The following RTL10 variants were observed in gnomAD, a reference collection of about 807,000 sequenced individuals.
RTL10 encodes the protein protein Bop.
For synonymous variants in RTL10, 199 were observed against 188.4 expected (o/e 1.06, Z -0.46); for missense variants, 477 against 470.7 (o/e 1.01, Z -0.12).
rs1938062100 is a variant in RTL10, at chr22:19,850,223, T to C, written c.*944A>G. On this transcript the variant is annotated 3_prime_UTR_variant, in exon 3 of 3. Coordinates refer to ENST00000328554, the MANE Select transcript of RTL10 (RefSeq NM_024627.6). ...CAAAGACTTGCTGGTAGGCAGCCAC[T>C]GCACCACCTCAGCCAGTAATCCAAC... 2.0e-6 allele frequency: 2 copies of C among 985,774 alleles called. No individual in the cohort carries two copies. The highest frequency in any genetic ancestry group is 2.4e-6 in the Non-Finnish European group (2 of 830,194). 61.1% of individuals were successfully genotyped at this position (985,774 alleles called of 1,614,324 possible). A position where few individuals can be genotyped will look rare whatever the true frequency, so the allele number is the denominator to read the frequency against.
rs1364381971 is a variant in RTL10 at position 19,847,186 on chromosome 22, G to A, written c.*3981C>T. ...GAGCATGGAGAAATATGTCCAGGTA[G>A]GCTGTCGTCAGCACAGGTCTGACAG... On this transcript the variant is annotated 3_prime_UTR_variant, in exon 3 of 3. Coordinates refer to ENST00000328554, the MANE Select transcript of RTL10 (RefSeq NM_024627.6). 1 of 985,330 alleles carries A rather than the reference G, an allele frequency of 1.0e-6. No homozygotes were observed. Among genetic ancestry groups the A allele is most frequent in the Non-Finnish European group, 1.2e-6 (1 of 829,942 alleles). 61.0% of individuals were successfully genotyped at this position (985,330 alleles called of 1,614,324 possible).
Position 19,849,196 on chromosome 22 carries a change from T to C in RTL10, c.*1971A>G, listed in dbSNP as rs1938034849. ...TGCTACCAGGGCTATACCTGCTTTC[T>C]AAAAATAGCTTCCCACCTATTTCCA... On this transcript the variant is annotated 3_prime_UTR_variant, in exon 3 of 3. Coordinates refer to ENST00000328554, the MANE Select transcript of RTL10 (RefSeq NM_024627.6). The C allele has an allele frequency of 1.0e-6, 1 of 985,308 alleles. No individual in the cohort carries two copies. The highest frequency in any genetic ancestry group is 1.2e-6 in the Non-Finnish European group (1 of 829,912). 61.0% of individuals were successfully genotyped at this position (985,308 alleles called of 1,614,324 possible).
rs1938062359 is a variant in RTL10 at position 19,850,231 on chromosome 22, C to T, written c.*936G>A. On this transcript the variant is annotated 3_prime_UTR_variant, in exon 3 of 3. Coordinates refer to ENST00000328554, the MANE Select transcript of RTL10 (RefSeq NM_024627.6). Reference sequence around the variant, plus strand: ...TGCTGGTAGGCAGCCACTGCACCACCTCAGCCAGTAATCCAACACGTGTTT... The same window carrying T: ...TGCTGGTAGGCAGCCACTGCACCACTTCAGCCAGTAATCCAACACGTGTTT... 1.0e-6 allele frequency: 1 copy of T among 985,630 alleles called. No individual in the cohort carries two copies. Among genetic ancestry groups the T allele is most frequent in the Non-Finnish European group, 1.2e-6 (1 of 830,174 alleles). The allele number at this position is 985,630 out of a possible 1,614,324, so 61.1% of individuals were successfully genotyped here.
chr22:19,849,286 T>C lies in RTL10; in HGVS notation c.*1881A>G, dbSNP rs1938036732. 2.0e-6 allele frequency: 2 copies of C among 982,612 alleles called. No homozygotes were observed. The highest frequency in any genetic ancestry group is 1.2e-4 in the Admixed American group (2 of 16,262). 60.9% of individuals were successfully genotyped at this position (982,612 alleles called of 1,614,324 possible). On this transcript the variant is annotated 3_prime_UTR_variant, in exon 3 of 3. Coordinates refer to ENST00000328554, the MANE Select transcript of RTL10 (RefSeq NM_024627.6). ...GAAATAACTCACACATAAAACCATCTGAACCCAGAGCCTTTTCTAGTGATA... is the reference window on the plus strand; with the variant it reads ...GAAATAACTCACACATAAAACCATCCGAACCCAGAGCCTTTTCTAGTGATA...
rs1336143757 is a variant in RTL10 at position 19,854,712 on chromosome 22, G to A, written c.-375C>T. On this transcript the variant is annotated 5_prime_UTR_variant, in exon 1 of 3. Coordinates refer to ENST00000328554, the MANE Select transcript of RTL10 (RefSeq NM_024627.6). ...GCACTGCGACCCAGGCTGGGGCTCCGAGTGCCCCTCTGCGGATCAGAAGTC... is the reference window on the plus strand; with the variant it reads ...GCACTGCGACCCAGGCTGGGGCTCCAAGTGCCCCTCTGCGGATCAGAAGTC... 1 of 152,424 alleles carries A rather than the reference G, an allele frequency of 6.6e-6. No homozygotes were observed. Among genetic ancestry groups the A allele is most frequent in the African/African-American group, 2.4e-5 (1 of 41,452 alleles). The allele number at this position is 152,424 out of a possible 1,614,324, so 9.4% of individuals were successfully genotyped here.
Position 19,847,731 on chromosome 22 carries a change from T to C in RTL10, c.*3436A>G. The C allele has an allele frequency of 1.0e-6, 1 of 977,030 alleles. No individual in the cohort carries two copies. The allele number at this position is 977,030 out of a possible 1,614,324, so 60.5% of individuals were successfully genotyped here. Reference sequence around the variant, plus strand: ...TATTATTGTGTATTCCCACCAACAGTATGAGAAGGTCCACTTCTCCATACC... The same window carrying C: ...TATTATTGTGTATTCCCACCAACAGCATGAGAAGGTCCACTTCTCCATACC... On this transcript the variant is annotated 3_prime_UTR_variant, in exon 3 of 3. Transcript: ENST00000328554.
In RTL10 at chr22:19,846,557, C is replaced by T; in HGVS notation, c.*4610G>A. The T allele has an allele frequency of 1.0e-6, 1 of 985,488 alleles. No homozygotes were observed. The highest frequency in any genetic ancestry group is 1.2e-6 in the Non-Finnish European group (1 of 829,964). The allele number at this position is 985,488 out of a possible 1,614,324, so 61.0% of individuals were successfully genotyped here. ...AACAGCAAAGACAAAACCAGAGAAG[C>T]CTATCGCGGGCACCGCTGTGGGCAG... On this transcript the variant is annotated 3_prime_UTR_variant, in exon 3 of 3. Transcript: ENST00000328554.
In RTL10 at chr22:19,848,396, G is replaced by T. The variant is rs1486433300; in HGVS notation, c.*2771C>A. ...AAGAGAAAAACAACCCAGGGGGAAT[G>T]CCTCCTTCCCCCAGCAGGAAAGCAG... On this transcript the variant is annotated 3_prime_UTR_variant, in exon 3 of 3. Transcript: ENST00000328554. 3.0e-6 allele frequency: 3 copies of T among 985,360 alleles called. No homozygotes were observed. The East Asian group carries it at 3.4e-4, about 112-fold the overall frequency. 61.0% of individuals were successfully genotyped at this position (985,360 alleles called of 1,614,324 possible).
intron 2 of RTL10, among the ~76,000 whole-genome samples, chr22:19,852,745 T>G (rs1672618361): frequency 1.3e-5 from 2 of 152,176 alleles, no homozygotes; most frequent in Non-Finnish European, 1.5e-5. Context: ...AATTTCAGGA[T>G]AGCAATAGTA....
At position 19,847,608 on chromosome 22, in the gene RTL10, AGTG is replaced by A. The variant is rs1937990683; in HGVS notation, c.*3556_*3558del. ...CAGTCCCTGCTCTAAACCCCCATGTAGTGGTACCGAACCATGACCACCCCTGGC... is the reference window on the plus strand; with the variant it reads ...CAGTCCCTGCTCTAAACCCCCATGTAGTACCGAACCATGACCACCCCTGGC... On this transcript the variant is annotated 3_prime_UTR_variant, in exon 3 of 3. Transcript: ENST00000328554. 1.0e-6 allele frequency: 1 copy of A among 978,018 alleles called. No homozygotes were observed. The highest frequency in any genetic ancestry group is 1.8e-5 in the African/African-American group (1 of 55,762). 60.6% of individuals were successfully genotyped at this position (978,018 alleles called of 1,614,324 possible).
chr22:19,853,792 C>T (rs982037108), intron 2 of RTL10, among the ~76,000 whole-genome samples: 2 of 152,166 alleles, frequency 1.3e-5, no homozygotes, highest in Non-Finnish European at 2.9e-5. Flanking sequence ...TATACTAAGG[C>T]CTGGACGTGA....
rs1468350618 is a variant in RTL10, at chr22:19,847,803, G to GAAAAAAAA, written c.*3363_*3364insTTTTTTTT. 151 of 440,240 alleles carry GAAAAAAAA rather than the reference G, an allele frequency of 3.4e-4. 6 individuals carry two copies. The African/African-American group carries it at 4.7e-3, about 14-fold the overall frequency. The allele number at this position is 440,240 out of a possible 1,614,324, so 27.3% of individuals were successfully genotyped here. A position where few individuals can be genotyped will look rare whatever the true frequency, so the allele number is the denominator to read the frequency against. The stretch of plus-strand genomic sequence containing the variant: ...AACTTTTAAAATCCTGGAATCATAG[G>GAAAAAAAA]CAAAAAAAAAAAAAAAAAAAAATTC... On this transcript the variant is annotated 3_prime_UTR_variant, in exon 3 of 3. Transcript: ENST00000328554.
In RTL10 at chr22:19,847,671, A is replaced by G. The variant is rs550430162; in HGVS notation, c.*3496T>C. On this transcript the variant is annotated 3_prime_UTR_variant, in exon 3 of 3. Transcript: ENST00000328554. ...CATGCACCTAGCAAGTAGTCACAGC[A>G]TGCATGTGCCTAGAATTGTTACGTG... is the stretch of plus-strand genomic sequence containing the variant. 9 of 984,500 alleles carry G rather than the reference A, an allele frequency of 9.1e-6. No individual in the cohort carries two copies. The highest frequency in any genetic ancestry group is 3.5e-5 in the African/African-American group (2 of 57,204). 61.0% of individuals were successfully genotyped at this position (984,500 alleles called of 1,614,324 possible).
Position 19,852,152 on chromosome 22 carries a change from AC to A in RTL10, c.109del (p.Val37TrpfsTer46), listed in dbSNP as rs1938121306. 1 of 1,614,056 alleles carries A rather than the reference AC, an allele frequency of 6.2e-7. No individual in the cohort carries two copies. ...GGGATCCACAAGGGGGGTGTATGCC[AC>A]CCCAGGAGACGCCTTGTCCATCTGC... ...WQQMDKASPGVAYTPLVDPWI... is the reference protein window; with the variant it reads ...WQQMDKASPGXAYTPLVDPWI... On this transcript the variant is annotated frameshift_variant, in exon 3 of 3. Coordinates refer to ENST00000328554, the MANE Select transcript of RTL10 (RefSeq NM_024627.6). LOFTEE classifies it low-confidence loss of function (END_TRUNC).
chr22:19,850,152 C>T lies in RTL10; in HGVS notation c.*1015G>A. Reference sequence around the variant, plus strand: ...CCAGAAACCACAGCTGCAATGCTGACCTGGAATGCTCATGGCCAGGCCTCT... The same window carrying T: ...CCAGAAACCACAGCTGCAATGCTGATCTGGAATGCTCATGGCCAGGCCTCT... On this transcript the variant is annotated 3_prime_UTR_variant, in exon 3 of 3. Coordinates refer to ENST00000328554, the MANE Select transcript of RTL10 (RefSeq NM_024627.6). 1.0e-6 allele frequency: 1 copy of T among 985,522 alleles called. No individual in the cohort carries two copies. The highest frequency in any genetic ancestry group is 1.2e-6 in the Non-Finnish European group (1 of 830,050). The allele number at this position is 985,522 out of a possible 1,614,324, so 61.0% of individuals were successfully genotyped here. A position where few individuals can be genotyped will look rare whatever the true frequency, so the allele number is the denominator to read the frequency against.
chr22:19,847,406 A>C lies in RTL10; in HGVS notation c.*3761T>G. 6 of 985,382 alleles carry C rather than the reference A, an allele frequency of 6.1e-6. No individual in the cohort carries two copies. The highest frequency in any genetic ancestry group is 7.2e-6 in the Non-Finnish European group (6 of 829,892). The allele number at this position is 985,382 out of a possible 1,614,324, so 61.0% of individuals were successfully genotyped here. On this transcript the variant is annotated 3_prime_UTR_variant, in exon 3 of 3. Transcript: ENST00000328554. ...TTTCCAGTTCTGCTGTTCAAAAAAC[A>C]GTGACACCCATGAGGTGGGTGTTAG...
In RTL10 at chr22:19,851,227, T is replaced by C. The variant is rs1470084098; in HGVS notation, c.1035A>G (p.Pro345=). Residue 345 remains proline (P), a synonymous_variant, in exon 3 of 3, where the codon CCA becomes CCG. Transcript: ENST00000328554. The stretch of plus-strand genomic sequence containing the variant: ...TCTCCGGGGCCTCCACCACCTCCTG[T>C]GGGGTACCTAAGGACACCTCCTGGT... ...EGDQEVSLGT[P]QEVVEAPETP... 2 of 1,600,036 alleles carry C rather than the reference T, an allele frequency of 1.2e-6. No homozygotes were observed.
rs1365294401 is a variant in RTL10 at position 19,851,776 on chromosome 22, C to A, written c.486G>T (p.Leu162=). The A allele has an allele frequency of 6.2e-7, 1 of 1,613,446 alleles. No homozygotes were observed. The highest frequency in any genetic ancestry group is 8.5e-7 in the Non-Finnish European group (1 of 1,179,532). The change falls in exon 3 of 3, where the codon CTG becomes CTT. Residue 162 remains leucine (L), a synonymous_variant. Transcript: ENST00000328554. The stretch of plus-strand genomic sequence containing the variant: ...AGAGCTCGTAATCGTCAGGCAGGGG[C>A]AGGTCCCCATCAAGGTAGGGGGCTG... ...AWAAPYLDGD[L]PLPDDYELFC...
chr22:19,852,303 G>T lies in RTL10; in HGVS notation c.-42C>A. The T allele has an allele frequency of 1.3e-6, 2 of 1,561,302 alleles. No homozygotes were observed. Among genetic ancestry groups the T allele is most frequent in the South Asian group, 1.2e-5 (1 of 82,244 alleles). ...AGAAGAGAGGAGAGCCAGCACTGGT[G>T]GGTGGTGGGGGTGTGGACAGATGTG... is the stretch of plus-strand genomic sequence containing the variant. On this transcript the variant is annotated 5_prime_UTR_variant, in exon 3 of 3. Transcript: ENST00000328554.
Sources: allele counts gnomAD v4.1 joint callset (sites outside exome capture counted in the v4.1 genomes callset), GRCh38; gene constraint gnomAD v4.1.1; transcripts MANE v1.5; gene names NCBI Gene and HGNC (gene_info 2026-07-23, HGNC 2026-07-21).